Variants in HDAC7 observed in about 807,000 individuals in gnomAD.
HDAC7 encodes histone deacetylase 7.
A neutral mutation model predicts 115.5 loss-of-function variants in HDAC7; 26 were observed. That is an observed-to-expected ratio of 0.23 (90% CI 0.16 to 0.31). The LOEUF (loss-of-function observed/expected upper bound fraction) is 0.31. HDAC7 is among the 10% of genes least tolerant of loss of function. HDAC7 has a pLI of 1.00. For missense variants in HDAC7, 1,068 were observed against 1,329.0 expected (o/e 0.80, Z 3.05); for synonymous variants, 564 against 550.9 (o/e 1.02, Z -0.33).
At position 47,802,286 on chromosome 12, in the gene HDAC7, G is replaced by A. The variant is rs888889014; in HGVS notation, c.20-12C>T. On this transcript the variant is annotated splice_polypyrimidine_tract_variant and intron_variant, in intron 1 of 25. Coordinates refer to ENST00000080059, the MANE Select transcript of HDAC7 (RefSeq NM_015401.5). Reference sequence around the variant, plus strand: ...CACCTGGGTCCCATCTGTAGAGAGAGAGACGGAGTGAAAGAGCTGCAGGGA... The same window carrying A: ...CACCTGGGTCCCATCTGTAGAGAGAAAGACGGAGTGAAAGAGCTGCAGGGA... 1 of 1,613,502 alleles carries A rather than the reference G, an allele frequency of 6.2e-7. No individual in the cohort carries two copies. The highest frequency in any genetic ancestry group is 1.3e-5 in the African/African-American group (1 of 74,902).
intron 22 of HDAC7, 110 bp from the exon 23 acceptor site, chr12:47,785,995 T>A: frequency 9.2e-7 from 1 of 1,092,752 alleles, no homozygotes; most frequent in Non-Finnish European, 1.3e-6. Context: ...ATGACTCACA[T>A]GTATCAATCA....
chr12:47,785,677 C>A, intron 23 of HDAC7, 75 bp downstream of exon 23: 2 of 1,510,336 alleles, frequency 1.3e-6, no homozygotes, highest in South Asian at 1.3e-5. Context: ...TCCCATCTGC[C>A]TGCTCCTTGG....
intron 19 of HDAC7, chr12:47,788,968 GA>G (rs1943325719): frequency 2.5e-6 from 1 of 404,698 alleles, no homozygotes; most frequent in East Asian, 4.4e-5. Context: ...AGGAAATGCA[GA>G]AATTACTAGA....
chr12:47,815,523 C>T (rs886598930), intron 1 of HDAC7, among the ~76,000 whole-genome samples: 1 of 152,188 alleles, frequency 6.6e-6, no homozygotes, highest in Non-Finnish European at 1.5e-5. Flanking sequence ...ACAGCCTTGC[C>T]CCAGGATCAC....
intron 13 of HDAC7, 189 bp from the exon 14 acceptor site, chr12:47,792,193 A>ACACAC: frequency 3.2e-6 from 2 of 622,812 alleles, no homozygotes; most frequent in Non-Finnish European, 5.4e-6. Context: ...ACACCTGTCC[A>ACACAC]CACACGCCCA....
chr12:47,816,089 G>A (rs748385599), intron 1 of HDAC7, among the ~76,000 whole-genome samples: 3 of 151,916 alleles, frequency 2.0e-5, no homozygotes, highest in South Asian at 2.1e-4. Flanking sequence ...ACAGGGTTTC[G>A]CCGCATTGGC....
At position 47,798,729 on chromosome 12, in the gene HDAC7, G is replaced by C; in HGVS notation, c.258+56C>G. ...CTGGTGTCTAGGGATGCTGAAGGCGGGGAGGCTGGGGACCAAGCTCAAGGT... is the reference window on the plus strand; with the variant it reads ...CTGGTGTCTAGGGATGCTGAAGGCGCGGAGGCTGGGGACCAAGCTCAAGGT... On this transcript the variant is annotated intron_variant, in intron 3 of 25. Coordinates refer to ENST00000080059, the MANE Select transcript of HDAC7 (RefSeq NM_015401.5). The surrounding 1 kb of genome is among the most constrained non-coding windows in gnomAD (Gnocchi z 4.3). 6.4e-7 allele frequency: 1 copy of C among 1,558,166 alleles called. No individual in the cohort carries two copies. The highest frequency in any genetic ancestry group is 8.7e-7 in the Non-Finnish European group (1 of 1,149,512).
At position 47,783,870 on chromosome 12, in the gene HDAC7, C is replaced by G. The variant is rs1316361767; in HGVS notation, c.2947G>C (p.Val983Leu). The stretch of plus-strand genomic sequence containing the variant: ...AGATTCATAGGTTCTTCCTCCTCCA[C>G]CAGCTGCTCCGAGGGCCTGTGGGGA... ...LAEDRPSEQL[V>L]EEEEPMNL Residue 983 changes from valine (V) to leucine (L), a missense_variant, in exon 26 of 26, where the codon GTG (valine) becomes CTG (leucine). By Grantham distance (32) the Val-to-Leu change is conservative. Transcript: ENST00000080059. The G allele has an allele frequency of 6.2e-6, 10 of 1,612,342 alleles. No individual in the cohort carries two copies. The highest frequency in any genetic ancestry group is 1.7e-5 in the Admixed American group (1 of 59,778).
rs775648761 is a variant in HDAC7 at position 47,795,387 on chromosome 12, A to G, written c.1088-7T>C. 6.3e-7 allele frequency: 1 copy of G among 1,579,904 alleles called. No individual in the cohort carries two copies. ...AAGGGCCCAAGCCCGGGCACTGGAA[A>G]GAATCGGGGGGTGGAATAAGGAGGG... On this transcript the variant is annotated splice_region_variant and splice_polypyrimidine_tract_variant and intron_variant, in intron 10 of 25. Coordinates refer to ENST00000080059, the MANE Select transcript of HDAC7 (RefSeq NM_015401.5). This position sits in a 1 kb window ranked among gnomAD's most constrained non-coding sequence, Gnocchi z 4.3.
At chr12:47,791,807 C>CCCCCCCCCCCCCCCCCA in intron 14 of HDAC7, 64 bp downstream of exon 14, 1 of 1,532,678 alleles carries the variant, frequency 6.5e-7, no homozygotes, top group Admixed American at 1.9e-5. Context: ...CAGGGCCCCC[C>CCCCCCCCCCCCCCCCCA]ACCCCTCCCC....
At chr12:47,791,034 G>GC (rs147772246) in intron 16 of HDAC7, 199,262 of 595,524 alleles carry the variant, frequency 0.33, 36,772 homozygotes, top group Non-Finnish European at 0.4. Flanking sequence ...CCTTCTAGGG[G>GC]AAGGCTTAGG....
In HDAC7 at chr12:47,798,223, T is replaced by G; in HGVS notation, c.350-4A>C. ...ACCACGCTGCTGGCTACAGCACCTG[T>G]AGGGGCAGAGTCAGGAGGGGGCTGG... On this transcript the variant is annotated splice_polypyrimidine_tract_variant and splice_region_variant and intron_variant, in intron 4 of 25. Transcript: ENST00000080059. The surrounding 1 kb of genome is among the most constrained non-coding windows in gnomAD (Gnocchi z 4.3). 1 of 1,608,970 alleles carries G rather than the reference T, an allele frequency of 6.2e-7. No homozygotes were observed.
In HDAC7 at chr12:47,788,273, G is replaced by A. The variant is rs550727209; in HGVS notation, c.2236-109C>T. On this transcript the variant is annotated intron_variant, in intron 19 of 25. Transcript: ENST00000080059. ...ATTCTGAGGTCAGGACCCTAGACTG[G>A]GATCAGGAACCTGGGGTTCCTAAAG... 2.2e-4 allele frequency: 298 copies of A among 1,383,380 alleles called. 2 individuals are homozygous for A. The South Asian group carries it at 4.4e-3, about 20-fold the overall frequency. 85.7% of individuals were successfully genotyped at this position (1,383,380 alleles called of 1,614,324 possible). A position where few individuals can be genotyped will look rare whatever the true frequency, so the allele number is the denominator to read the frequency against.
chr12:47,810,804 GTCTCTCTCTCTCTCTCTCTCTC>G (rs60132211), intron 1 of HDAC7, among the ~76,000 whole-genome samples: 3 of 131,590 alleles, frequency 2.3e-5, no homozygotes, highest in South Asian at 2.6e-4. Flanking sequence ...GGAGGAAAAG[GTCTCTCTCTCTCTCTCTCTCTC>G]TCTCTCTCTC....
chr12:47,802,152 T>C, intron 2 of HDAC7, 72 bp downstream of exon 2: 1 of 1,481,914 alleles, frequency 6.7e-7, no homozygotes. Context: ...CCTCAGCTTC[T>C]CGCGTTCTTA....
In HDAC7 at chr12:47,795,948, G is replaced by T; in HGVS notation, c.864C>A (p.Ser288=). ...GCCCCAGAGTGATTGCGGGCAGCAA[G>T]GACACTGTCGGCAAGGCGAACGGGG... is the stretch of plus-strand genomic sequence containing the variant. ...SVAPFALPTV[S]LLPAITLGLP... is the part of the protein sequence containing the mutation. Residue 288 remains serine (S), a synonymous_variant, in exon 9 of 26, where the codon TCC becomes TCA. Transcript: ENST00000080059. This position sits in a 1 kb window ranked among gnomAD's most constrained non-coding sequence, Gnocchi z 4.3. The T allele has an allele frequency of 6.4e-7, 1 of 1,550,972 alleles. No individual in the cohort carries two copies. The highest frequency in any genetic ancestry group is 1.2e-5 in the South Asian group (1 of 84,150).
At chr12:47,812,031 G>A (rs1324244251) in intron 1 of HDAC7, among the ~76,000 whole-genome samples, 1 of 152,254 alleles carries the variant, frequency 6.6e-6, no homozygotes, top group African/African-American at 2.4e-5. Context: ...AACAAGGGAA[G>A]GGCTAAAATA....
chr12:47,791,891 C>G lies in HDAC7; in HGVS notation c.1792G>C (p.Gly598Arg). 1 of 1,611,390 alleles carries G rather than the reference C, an allele frequency of 6.2e-7. No individual in the cohort carries two copies. Among genetic ancestry groups the G allele is most frequent in the South Asian group, 1.1e-5 (1 of 90,890 alleles). The change falls in exon 14 of 26, where the codon GGG becomes CGG. Residue 598 changes from glycine (G) to arginine (R), a missense_variant. Around this residue, in one of 6 missense-constraint regions of HDAC7, gnomAD observed 618 missense variants for 701.5 expected, o/e 0.88. Coordinates refer to ENST00000080059, the MANE Select transcript of HDAC7 (RefSeq NM_015401.5). ...CTCACCTCACACTGGCTCCGGAGCC[C>G]CCGCTCCTGCAGCCGGGACCAGATG... ...QSIWSRLQER[G>R]LRSQCECLRG...
In HDAC7 at chr12:47,797,463, G is replaced by A. The variant is rs564558572; in HGVS notation, c.498C>T (p.Arg166=). 6 of 1,613,984 alleles carry A rather than the reference G, an allele frequency of 3.7e-6. No individual in the cohort carries two copies. Among genetic ancestry groups the A allele is most frequent in the Admixed American group, 1.7e-5 (1 of 59,982 alleles). The change falls in exon 6 of 26, where the codon CGC becomes CGT. Residue 166 remains arginine (R), a synonymous_variant. Transcript: ENST00000080059. The surrounding 1 kb of genome is among the most constrained non-coding windows in gnomAD (Gnocchi z 5.5). The part of the protein sequence containing the change: ...LEPLETEGAT[R]SMLSSFLPPV... Reference sequence around the variant, plus strand: ...GAGGCAAAAAGCTGCTGAGCATGGAGCGGGTGGCTCCTTCCGTCTCCAGGG... The same window carrying A: ...GAGGCAAAAAGCTGCTGAGCATGGAACGGGTGGCTCCTTCCGTCTCCAGGG...
Sources: allele counts gnomAD v4.1 joint callset (sites outside exome capture counted in the v4.1 genomes callset), GRCh38; gene constraint gnomAD v4.1.1; regional missense constraint gnomAD v4.1.1; non-coding constraint Gnocchi (gnomAD v3.1); transcripts MANE v1.5; gene names NCBI Gene and HGNC (gene_info 2026-07-23, HGNC 2026-07-21).